TBX18: variants seen among roughly 807,000 people sequenced by gnomAD.
TBX18 encodes the protein T-box transcription factor 18, also known as T-box transcription factor TBX18.
Under a neutral mutation model 55.0 loss-of-function variants are expected in TBX18, and 21 were observed. That is an observed-to-expected ratio of 0.38 (90% CI 0.27 to 0.55). TBX18 has a LOEUF of 0.55. Ranked by LOEUF, TBX18 falls within the 20% of genes least tolerant of loss-of-function variation. The pLI is 0.73. For missense variants in TBX18, 840 were observed against 799.6 expected (o/e 1.05, Z -0.61); for synonymous variants, 342 against 326.1 (o/e 1.05, Z -0.53).
chr6:84,750,878 T>C (rs1231595660), intron 4 of TBX18, among the ~76,000 whole-genome samples: 5 of 152,236 alleles, frequency 3.3e-5, no homozygotes, highest in Admixed American at 2.0e-4. Context: ...CAACCATTAA[T>C]GTTAACTCTG....
intron 2 of TBX18, among the ~76,000 whole-genome samples, chr6:84,761,578 C>G (rs1350850607): frequency 6.6e-6 from 1 of 152,146 alleles, no homozygotes; most frequent in Admixed American, 6.5e-5. Flanking sequence ...AGTTTGGATA[C>G]TTTTTATGCT....
At chr6:84,760,494 T>C in intron 2 of TBX18, 138 bp from the exon 3 acceptor site, 1 of 553,402 alleles carries the variant, frequency 1.8e-6, no homozygotes, top group Non-Finnish European at 3.1e-6. Context: ...GCCAATGTAA[T>C]TCAAGGAGTC....
intron 6 of TBX18, among the ~76,000 whole-genome samples, chr6:84,739,678 C>G (rs192806789): frequency 1.0e-3 from 154 of 152,288 alleles, no homozygotes; most frequent in Middle Eastern, 3.4e-3. Flanking sequence ...TAGTTTGACT[C>G]AAGGTGCTAC....
rs137897063 is a variant in TBX18 at position 84,736,916 on chromosome 6, T to C, written c.1593A>G (p.Gly531=). 6.2e-7 allele frequency: 1 copy of C among 1,612,848 alleles called. No homozygotes were observed. Among genetic ancestry groups the C allele is most frequent in the Non-Finnish European group, 8.5e-7 (1 of 1,179,420 alleles). ...FRLHSPCALY[G]YNFSTSPKLA... ...GTTTGGGGGATGTGGAGAAGTTATA[T>C]CCATATAGTGCACAGGGGCTGTGTA... Residue 531 remains glycine (G), a synonymous_variant, in exon 8 of 8, where the codon GGA becomes GGG. Coordinates refer to ENST00000369663, the MANE Select transcript of TBX18 (RefSeq NM_001080508.3).
chr6:84,735,251 C>CT lies in TBX18; in HGVS notation c.*1433dup, dbSNP rs1242460132. ...ATGTGCCTCATCATGTATTCTTAGCCTTTTTTATTTATCTCATACTGTGCT... is the reference window on the plus strand; with the variant it reads ...ATGTGCCTCATCATGTATTCTTAGCCTTTTTTTATTTATCTCATACTGTGCT... On this transcript the variant is annotated 3_prime_UTR_variant, in exon 8 of 8. Coordinates refer to ENST00000369663, the MANE Select transcript of TBX18 (RefSeq NM_001080508.3). The CT allele has an allele frequency of 9.2e-5, 14 of 152,072 alleles. No homozygotes were observed. The highest frequency in any genetic ancestry group is 3.4e-4 in the African/African-American group (14 of 41,416). The allele number at this position is 152,072 out of a possible 1,614,324, so 9.4% of individuals were successfully genotyped here.
At chr6:84,741,107 T>C (rs1767036007) in intron 6 of TBX18, 1 of 152,216 alleles carries the variant, frequency 6.6e-6, no homozygotes, top group African/African-American at 2.4e-5. Context: ...GAAAGGATTT[T>C]AGATATTTTG....
At chr6:84,761,875 T>G (rs576428167) in intron 2 of TBX18, among the ~76,000 whole-genome samples, 1 of 152,286 alleles carries the variant, frequency 6.6e-6, no homozygotes, top group African/African-American at 2.4e-5. Flanking sequence ...TGGATTCCAT[T>G]TAGGACAAAA....
chr6:84,758,390 A>G (rs970861471), intron 3 of TBX18, among the ~76,000 whole-genome samples: 3 of 151,206 alleles, frequency 2.0e-5, no homozygotes, highest in African/African-American at 7.3e-5. Context: ...CCTGGGCAAC[A>G]GAGCAAGACT....
rs777812725 is a variant in TBX18, at chr6:84,762,654, G to A, written c.387C>T (p.Pro129=). The change falls in exon 2 of 8, where the codon CCC becomes CCT. Residue 129 remains proline, a synonymous_variant. Coordinates refer to ENST00000369663, the MANE Select transcript of TBX18 (RefSeq NM_001080508.3). The stretch of plus-strand genomic sequence containing the variant: ...CCTGCGGCGAGGGCAGAGGGGTCCC[G>A]GGCCGGGCCAGGGAGCGCGCCGGAG... ...KGSPARSLAR[P]GTPLPSPQAP... 2.1e-5 allele frequency: 34 copies of A among 1,610,988 alleles called. No homozygotes were observed. Among genetic ancestry groups the A allele is most frequent in the Non-Finnish European group, 2.8e-5 (33 of 1,178,820 alleles).
chr6:84,748,698 G>A (rs747496979), intron 4 of TBX18, among the ~76,000 whole-genome samples: 1 of 152,132 alleles, frequency 6.6e-6, no homozygotes, highest in Non-Finnish European at 1.5e-5. Context: ...CAGAAAAGCT[G>A]GCCCTCTCAG....
chr6:84,744,098 C>G (rs1733629924), intron 6 of TBX18, among the ~76,000 whole-genome samples, 163 bp downstream of exon 6: 1 of 152,142 alleles, frequency 6.6e-6, no homozygotes, highest in African/African-American at 2.4e-5. Context: ...TAGGTGACAC[C>G]ATTACACTAC....
intron 6 of TBX18, among the ~76,000 whole-genome samples, chr6:84,742,887 T>C (rs1178826022): frequency 6.6e-6 from 1 of 152,168 alleles, no homozygotes; most frequent in Non-Finnish European, 1.5e-5. Flanking sequence ...AAGGTTCTCT[T>C]CAGTCACCTC....
rs754284466 is a variant in TBX18, at chr6:84,762,531, G to A, written c.497+13C>T. 3 of 1,613,952 alleles carry A rather than the reference G, an allele frequency of 1.9e-6. No homozygotes were observed. Among genetic ancestry groups the A allele is most frequent in the Non-Finnish European group, 1.7e-6 (2 of 1,179,986 alleles). On this transcript the variant is annotated intron_variant, in intron 2 of 7. Transcript: ENST00000369663. ...GGGGTAGGGAGGGGCGTCCACGCCA[G>A]CTTGCCCATTACCTGCCGGCCTTGG...
At chr6:84,757,081 C>T (rs1219881203) in intron 3 of TBX18, among the ~76,000 whole-genome samples, 2 of 152,170 alleles carry the variant, frequency 1.3e-5, no homozygotes, top group African/African-American at 2.4e-5. Flanking sequence ...GTGTTAACGG[C>T]TTAGTGAAAA....
chr6:84,738,646 T>C, intron 6 of TBX18, 55 bp from the exon 7 acceptor site: 1 of 1,349,898 alleles, frequency 7.4e-7, no homozygotes, highest in Admixed American at 1.7e-5. Flanking sequence ...TTAGGAGCAT[T>C]TGGATCTTTC....
At position 84,737,243 on chromosome 6, in the gene TBX18, G is replaced by C. The variant is rs1766897171; in HGVS notation, c.1266C>G (p.Arg422=). 1 of 1,608,760 alleles carries C rather than the reference G, an allele frequency of 6.2e-7. No homozygotes were observed. Among genetic ancestry groups the C allele is most frequent in the African/African-American group, 1.3e-5 (1 of 74,894 alleles). Residue 422 remains arginine, a synonymous_variant, in exon 8 of 8, where the codon CGC becomes CGG. Coordinates refer to ENST00000369663, the MANE Select transcript of TBX18 (RefSeq NM_001080508.3). The stretch of plus-strand genomic sequence containing the variant: ...TGTATCGGTTGAGGGTGAGGCCTGA[G>C]CGGGCACAGGCAGAATAGTCAGCAG... The part of the protein sequence containing the change: ...LAPADYSACA[R]SGLTLNRYST...
chr6:84,745,142 A>G (rs1767148907), intron 5 of TBX18, among the ~76,000 whole-genome samples: 1 of 152,194 alleles, frequency 6.6e-6, no homozygotes, highest in African/African-American at 2.4e-5. Flanking sequence ...AGTTTTAACA[A>G]GAATTCTAAT....
At chr6:84,757,916 G>C (rs1262181525) in intron 3 of TBX18, among the ~76,000 whole-genome samples, 5 of 152,016 alleles carry the variant, frequency 3.3e-5, no homozygotes, top group Non-Finnish European at 7.4e-5. Context: ...TTTGCAAATA[G>C]TCTCAGAAAA....
chr6:84,762,814 C>T, intron 1 of TBX18, 66 bp from the exon 2 acceptor site: 1 of 1,471,860 alleles, frequency 6.8e-7, no homozygotes, highest in Admixed American at 2.0e-5. Flanking sequence ...GCCGCGGAGA[C>T]GGGCCCACCT....
Sources: allele counts gnomAD v4.1 joint callset (sites outside exome capture counted in the v4.1 genomes callset), GRCh38; gene constraint gnomAD v4.1.1; transcripts MANE v1.5; gene names NCBI Gene and HGNC (gene_info 2026-07-23, HGNC 2026-07-21).